OSBPL1A: variants seen among roughly 807,000 people sequenced by gnomAD.
The protein encoded by OSBPL1A is oxysterol-binding protein-related protein 1.
In OSBPL1A, 80 loss-of-function variants were observed where a neutral mutation model predicts 137.1. The observed-to-expected ratio is 0.58, with a 90% CI of 0.49 to 0.70. The LOEUF (loss-of-function observed/expected upper bound fraction) is 0.70. Ranked by LOEUF, OSBPL1A falls within the 30% of genes least tolerant of loss-of-function variation. The probability of loss-of-function intolerance (pLI) is 0.00; values close to 1 mark genes in which losing one functional copy is unlikely to be tolerated. For missense variants in OSBPL1A, 970 were observed against 1,129.4 expected (o/e 0.86, Z 2.02); for synonymous variants, 365 against 389.7 (o/e 0.94, Z 0.75).
chr18:24,358,624 A>T, intron 4 of OSBPL1A: 1 of 665,062 alleles, frequency 1.5e-6, no homozygotes. Flanking sequence ...CAATACATAA[A>T]CATGAGAAAT....
chr18:24,269,448 CGCCGGTATAAGTCAGAT>C (rs1460440057), intron 15 of OSBPL1A, among the ~76,000 whole-genome samples: 1 of 152,044 alleles, frequency 6.6e-6, no homozygotes, highest in African/African-American at 2.4e-5. Context: ...AGTCACCTGA[CGCCGGTATAAGTCAGAT>C]GACTACATAG....
rs930024933 is a variant in OSBPL1A, at chr18:24,162,621, C to G, written c.*558G>C. 6.6e-6 allele frequency: 1 copy of G among 152,052 alleles called. No homozygotes were observed. Among genetic ancestry groups the G allele is most frequent in the African/African-American group, 2.4e-5 (1 of 41,396 alleles). The allele number at this position is 152,052 out of a possible 1,614,324, so 9.4% of individuals were successfully genotyped here. A position where few individuals can be genotyped will look rare whatever the true frequency, so the allele number is the denominator to read the frequency against. On this transcript the variant is annotated 3_prime_UTR_variant, in exon 28 of 28. Coordinates refer to ENST00000319481, the MANE Select transcript of OSBPL1A (RefSeq NM_080597.4). ...GAAATATCTATTCTGAATATTCAGG[C>G]ATTTTTTTTCTTCTTGGAAGATGGA... is the stretch of plus-strand genomic sequence containing the variant.
intron 17 of OSBPL1A, among the ~76,000 whole-genome samples, chr18:24,200,570 A>AG (rs1189051361): frequency 1.3e-5 from 2 of 151,852 alleles, no homozygotes; most frequent in Non-Finnish European, 2.9e-5. Context: ...TCAAAAAAAA[A>AG]AAAAAAAAAA....
intron 15 of OSBPL1A, among the ~76,000 whole-genome samples, chr18:24,268,870 A>G (rs2089647627): frequency 6.6e-6 from 1 of 152,204 alleles, no homozygotes; most frequent in African/African-American, 2.4e-5. Context: ...TCAAATTTTT[A>G]TCAGACACCT....
chr18:24,348,100 A>T (rs192428044), intron 4 of OSBPL1A, among the ~76,000 whole-genome samples: 81 of 152,288 alleles, frequency 5.3e-4, no homozygotes, highest in African/African-American at 1.9e-3. Context: ...CAATGCCCAT[A>T]TGTGTGGAAA....
chr18:24,176,188 T>C (rs2086441685), intron 21 of OSBPL1A, among the ~76,000 whole-genome samples: 1 of 152,248 alleles, frequency 6.6e-6, no homozygotes, highest in Non-Finnish European at 1.5e-5. Context: ...TCTGTATCTA[T>C]TAAAAATCAT....
rs572073230 is a variant in OSBPL1A, at chr18:24,392,134, G to A, written c.-3+5521C>T. On this transcript the variant is annotated intron_variant, in intron 1 of 27. Coordinates refer to ENST00000319481, the MANE Select transcript of OSBPL1A (RefSeq NM_080597.4). ...GCCTCCCAAAGTGCTGGGATTACAG[G>A]CGTGAGCCACTGCATCCAGCCAGCA... Among the ~76,000 whole-genome samples, 3 of 152,246 alleles carry A rather than the reference G, an allele frequency of 2.0e-5. No individual in the cohort carries two copies. The East Asian group carries it at 5.8e-4, about 29-fold the overall frequency.
intron 16 of OSBPL1A, among the ~76,000 whole-genome samples, chr18:24,234,378 G>C (rs899881550): frequency 1.3e-5 from 2 of 152,092 alleles, no homozygotes; most frequent in African/African-American, 4.8e-5. Context: ...AAAATGTGAG[G>C]CTTCATTAAA....
chr18:24,233,545 C>T (rs911219563), intron 16 of OSBPL1A, among the ~76,000 whole-genome samples: 1 of 152,172 alleles, frequency 6.6e-6, no homozygotes, highest in African/African-American at 2.4e-5. Flanking sequence ...AACCTGCATT[C>T]GACAAGCATT....
intron 15 of OSBPL1A, among the ~76,000 whole-genome samples, chr18:24,248,962 A>T (rs1325040318): frequency 6.6e-6 from 1 of 152,246 alleles, no homozygotes; most frequent in African/African-American, 2.4e-5. Context: ...AGCAGATAAG[A>T]TGAACGCGTC....
At chr18:24,252,041 G>A (rs1462919332) in intron 15 of OSBPL1A, among the ~76,000 whole-genome samples, 2 of 151,902 alleles carry the variant, frequency 1.3e-5, no homozygotes, top group African/African-American at 2.4e-5. Context: ...AGACAAAAAA[G>A]AACAAAAAAT....
rs113453444 is a variant in OSBPL1A, at chr18:24,319,870, C to T, written c.626-1061G>A. Among the ~76,000 whole-genome samples the T allele has an allele frequency of 1.6e-3, 242 of 151,770 alleles. 1 individual carries two copies. Among genetic ancestry groups the T allele is most frequent in the African/African-American group, 5.4e-3 (225 of 41,374 alleles). ...CTATCAGATAACCTTTTAGGCCAGG[C>T]GCAGTGGCTCACAACTATAATCCCA... On this transcript the variant is annotated intron_variant, in intron 7 of 27. Coordinates refer to ENST00000319481, the MANE Select transcript of OSBPL1A (RefSeq NM_080597.4).
intron 18 of OSBPL1A, chr18:24,195,827 T>C (rs2087014300): frequency 2.9e-6 from 1 of 346,740 alleles, no homozygotes; most frequent in African/African-American, 2.2e-5. Flanking sequence ...GTCTGTTCTT[T>C]CTGAGAGTTT....
chr18:24,325,302 C>A (rs1403353593), intron 7 of OSBPL1A, among the ~76,000 whole-genome samples: 1 of 152,196 alleles, frequency 6.6e-6, no homozygotes, highest in African/African-American at 2.4e-5. Flanking sequence ...CTGCTCACAG[C>A]CAACCAGGCC....
intron 14 of OSBPL1A, among the ~76,000 whole-genome samples, chr18:24,290,472 G>T (rs2090155846): frequency 1.3e-5 from 2 of 152,136 alleles, no homozygotes; most frequent in South Asian, 4.1e-4. Context: ...CCTGAGCTCA[G>T]GAGTTCAAAA....
At chr18:24,337,291 T>C (rs1211462168) in intron 5 of OSBPL1A, among the ~76,000 whole-genome samples, 2 of 151,952 alleles carry the variant, frequency 1.3e-5, no homozygotes, top group Non-Finnish European at 2.9e-5. Context: ...GGCCAGGAGC[T>C]CCAGACCAGC....
chr18:24,326,534 G>A (rs547800647), intron 7 of OSBPL1A, among the ~76,000 whole-genome samples: 1 of 152,298 alleles, frequency 6.6e-6, no homozygotes, highest in South Asian at 2.1e-4. Flanking sequence ...GTGGAGTCAC[G>A]GGGCAGCCAT....
chr18:24,238,390 C>T (rs1021688797), intron 16 of OSBPL1A, among the ~76,000 whole-genome samples: 2 of 152,184 alleles, frequency 1.3e-5, no homozygotes, highest in African/African-American at 4.8e-5. Flanking sequence ...CCCACACACA[C>T]CTGCCTCAAA....
At chr18:24,379,255 C>G (rs1021971384) in intron 1 of OSBPL1A, among the ~76,000 whole-genome samples, 74 of 152,260 alleles carry the variant, frequency 4.9e-4, no homozygotes, top group African/African-American at 1.8e-3. Context: ...CACAGTGGCT[C>G]ATGCCTGTAA....
Sources: allele counts gnomAD v4.1 joint callset (sites outside exome capture counted in the v4.1 genomes callset), GRCh38; gene constraint gnomAD v4.1.1; transcripts MANE v1.5; gene names NCBI Gene and HGNC (gene_info 2026-07-23, HGNC 2026-07-21).